AUH: variants seen among roughly 807,000 people sequenced by gnomAD.
The protein encoded by AUH is AU RNA binding methylglutaconyl-CoA hydratase.
Under a neutral mutation model 42.3 loss-of-function variants are expected in AUH, and 29 were observed. The observed-to-expected ratio is 0.69, with a 90% confidence interval of 0.51 to 0.93. AUH has a LOEUF of 0.93. Among genes scored for constraint, AUH ranks in the 40% least tolerant of loss-of-function variants. The pLI is 0.00. For synonymous variants in AUH, 174 were observed against 166.4 expected, an observed-to-expected ratio of 1.05 and a Z score of -0.35; for missense variants, 452 against 438.1, an observed-to-expected ratio of 1.03 and a Z score of -0.28.
intron 6 of AUH, among the ~76,000 whole-genome samples, chr9:91,228,692 G>A (rs12237164): frequency 0.083 from 12,461 of 149,516 alleles, 583 homozygotes; most frequent in East Asian, 0.18. Context: ...TGGGCATTTA[G>A]TGCTATAAAT....
intron 6 of AUH, among the ~76,000 whole-genome samples, chr9:91,294,482 G>T (rs1454389015): frequency 6.6e-6 from 1 of 151,364 alleles, no homozygotes; most frequent in East Asian, 2.0e-4. Context: ...GGGGAGGCAG[G>T]GGTTGCAGTG....
chr9:91,214,250 G>C lies in AUH; in HGVS notation c.*98C>G. 1 of 1,016,352 alleles carries C rather than the reference G, an allele frequency of 9.8e-7. No individual in the cohort carries two copies. Among genetic ancestry groups the C allele is most frequent in the Non-Finnish European group, 1.5e-6 (1 of 666,020 alleles). 63.0% of individuals were successfully genotyped at this position (1,016,352 alleles called of 1,614,324 possible). A position where few individuals can be genotyped will look rare whatever the true frequency, so the allele number is the denominator to read the frequency against. Reference sequence around the variant, plus strand: ...TATGAATAATCTGCTCTTCACTTTGGTCATTAAGGTTCCATGTGCTGAGGC... The same window carrying C: ...TATGAATAATCTGCTCTTCACTTTGCTCATTAAGGTTCCATGTGCTGAGGC... On this transcript the variant is annotated 3_prime_UTR_variant, in exon 10 of 10. Coordinates refer to ENST00000375731, the MANE Select transcript of AUH (RefSeq NM_001698.3).
At chr9:91,290,244 T>A (rs890737540) in intron 6 of AUH, among the ~76,000 whole-genome samples, 3 of 152,106 alleles carry the variant, frequency 2.0e-5, no homozygotes, top group Non-Finnish European at 2.9e-5. Context: ...AGTGAGACCC[T>A]GCCTCTACAA....
intron 6 of AUH, among the ~76,000 whole-genome samples, chr9:91,263,581 T>A (rs983735478): frequency 6.6e-6 from 1 of 152,198 alleles, no homozygotes; most frequent in Non-Finnish European, 1.5e-5. Context: ...TAGGAAATAT[T>A]TTAAGTGTTT....
At chr9:91,307,423 C>T (rs1412641132) in intron 4 of AUH, among the ~76,000 whole-genome samples, 4 of 152,154 alleles carry the variant, frequency 2.6e-5, no homozygotes, top group African/African-American at 7.2e-5. Flanking sequence ...GTAGTCTCCC[C>T]TTACGTGCGG....
intron 3 of AUH, among the ~76,000 whole-genome samples, chr9:91,354,979 A>C (rs1249142257): frequency 6.6e-6 from 1 of 152,208 alleles, no homozygotes; most frequent in Non-Finnish European, 1.5e-5. Context: ...CCTACTAAGC[A>C]GACAGTATTA....
chr9:91,347,531 A>T (rs1831615446), intron 3 of AUH, among the ~76,000 whole-genome samples: 1 of 151,970 alleles, frequency 6.6e-6, no homozygotes, highest in Non-Finnish European at 1.5e-5. Context: ...TTTTCTGACA[A>T]GCTGCCCCCC....
intron 6 of AUH, among the ~76,000 whole-genome samples, chr9:91,281,145 A>G (rs1825933315): frequency 6.6e-6 from 1 of 152,178 alleles, no homozygotes; most frequent in Non-Finnish European, 1.5e-5. Context: ...CACTTGAGAC[A>G]CAAATGTTTA....
At chr9:91,305,924 G>A (rs1272957723) in intron 4 of AUH, among the ~76,000 whole-genome samples, 4 of 152,062 alleles carry the variant, frequency 2.6e-5, no homozygotes, top group Non-Finnish European at 5.9e-5. Flanking sequence ...TTCCCCTAAG[G>A]ACTTGTGACC....
chr9:91,255,676 G>A (rs542895765), intron 6 of AUH, among the ~76,000 whole-genome samples: 46 of 152,242 alleles, frequency 3.0e-4, no homozygotes, highest in African/African-American at 1.1e-3. Flanking sequence ...AAATATGCCT[G>A]GGCATATATA....
At chr9:91,288,688 ACTT>A (rs2131605597) in intron 6 of AUH, among the ~76,000 whole-genome samples, 1 of 152,210 alleles carries the variant, frequency 6.6e-6, no homozygotes, top group South Asian at 2.1e-4. Flanking sequence ...TATAACTACT[ACTT>A]AAGGAGGTTC....
At chr9:91,234,752 A>G (rs1250029762) in intron 6 of AUH, among the ~76,000 whole-genome samples, 3 of 151,006 alleles carry the variant, frequency 2.0e-5, no homozygotes, top group Non-Finnish European at 4.4e-5. Context: ...GAAGGAGAGC[A>G]AAGACAAATG....
chr9:91,216,109 G>A lies in AUH; in HGVS notation c.895-3C>T, dbSNP rs775851208. Reference sequence around the variant, plus strand: ...GCTAACCCTGTTACTAAATCGACCTGAGAATAAAAACATAATCCATTTCAG... The same window carrying A: ...GCTAACCCTGTTACTAAATCGACCTAAGAATAAAAACATAATCCATTTCAG... On this transcript the variant is annotated splice_polypyrimidine_tract_variant and splice_region_variant and intron_variant, in intron 8 of 9. Transcript: ENST00000375731. 1 of 1,612,234 alleles carries A rather than the reference G, an allele frequency of 6.2e-7. No homozygotes were observed. Among genetic ancestry groups the A allele is most frequent in the South Asian group, 1.1e-5 (1 of 91,050 alleles).
chr9:91,325,336 C>A lies in AUH; in HGVS notation c.487G>T (p.Ala163Ser). 1 of 1,613,740 alleles carries A rather than the reference C, an allele frequency of 6.2e-7. No individual in the cohort carries two copies. Among genetic ancestry groups the A allele is most frequent in the Non-Finnish European group, 8.5e-7 (1 of 1,179,786 alleles). ...TGCTTACCAATATCGTTAATCACTG[C>A]TCTTATTTTGGAGACAAAAGGACCA... The part of the protein sequence containing the change: ...EVGPFVSKIR[A>S]VINDIANLPV... Residue 163 changes from alanine (A) to serine (S), a missense_variant, in exon 4 of 10, where the codon GCA becomes TCA. Transcript: ENST00000375731.
intron 6 of AUH, among the ~76,000 whole-genome samples, chr9:91,256,500 C>T (rs1829410228): frequency 1.3e-5 from 2 of 152,020 alleles, no homozygotes; most frequent in South Asian, 2.1e-4. Flanking sequence ...CTATGCATTA[C>T]GGACACGGAG....
intron 3 of AUH, among the ~76,000 whole-genome samples, chr9:91,337,449 A>G (rs917219302): frequency 2.0e-5 from 3 of 152,198 alleles, no homozygotes; most frequent in African/African-American, 7.2e-5. Context: ...CCAGGAGTGG[A>G]CTATGGTTAG....
intron 4 of AUH, among the ~76,000 whole-genome samples, chr9:91,310,818 T>C (rs950258194): frequency 6.6e-6 from 1 of 152,158 alleles, no homozygotes; most frequent in Non-Finnish European, 1.5e-5. Flanking sequence ...TATACAAAGA[T>C]AGTTAGGCTA....
intron 6 of AUH, among the ~76,000 whole-genome samples, chr9:91,286,798 C>G (rs1212853473): frequency 6.6e-6 from 1 of 151,364 alleles, no homozygotes; most frequent in South Asian, 2.1e-4. Flanking sequence ...TATGGGGACA[C>G]TGAGGAGATG....
intron 4 of AUH, among the ~76,000 whole-genome samples, chr9:91,305,708 A>G (rs1323130989): frequency 6.6e-6 from 1 of 152,212 alleles, no homozygotes; most frequent in East Asian, 1.9e-4. Context: ...TACAAAGATT[A>G]CTTAAACTTC....
Sources: gnomAD v4.1 joint callset for allele counts (sites outside exome capture counted in the v4.1 genomes callset) on GRCh38, gnomAD v4.1.1 for gene constraint, MANE v1.5 for transcripts, NCBI Gene and HGNC (gene_info 2026-07-23, HGNC 2026-07-21) for gene names.